Variants in MMP2 observed in about 807,000 individuals in gnomAD.
MMP2 encodes matrix metallopeptidase 2, also known as 72 kDa type IV collagenase.
Under a neutral mutation model 74.8 loss-of-function variants are expected in MMP2, and 39 were observed. That is an observed-to-expected ratio of 0.52 (90% CI 0.40 to 0.68). The LOEUF (loss-of-function observed/expected upper bound fraction) is 0.68. Among genes scored for constraint, MMP2 ranks in the 30% least tolerant of loss-of-function variants. The pLI, the probability that MMP2 is intolerant of heterozygous loss-of-function variation, is 0.00. For synonymous variants in MMP2, 367 were observed against 339.8 expected (o/e 1.08, Z -0.88); for missense variants, 803 against 878.3 (o/e 0.91, Z 1.08).
At chr16:55,502,617 T>C (rs542468285) in intron 11 of MMP2, among the ~76,000 whole-genome samples, 162 bp from the exon 12 acceptor site, 1 of 152,110 alleles carries the variant, frequency 6.6e-6, no homozygotes, top group South Asian at 2.1e-4. Flanking sequence ...TCAGGTCTGA[T>C]TCCATGCCCT....
In MMP2 at chr16:55,498,386, T is replaced by C. The variant is rs1962583010; in HGVS notation, c.1707T>C (p.Asp569=). Residue 569 remains aspartate, a synonymous_variant, in exon 11 of 13, where the codon GAT becomes GAC. Transcript: ENST00000219070. ...LGLPPDVQRV[D]AAFNWSKNKK... Reference sequence around the variant, plus strand: ...TGCCCCCTGATGTCCAGCGAGTGGATGCCGCCTTTAACTGGAGCAAAAACA... The same window carrying C: ...TGCCCCCTGATGTCCAGCGAGTGGACGCCGCCTTTAACTGGAGCAAAAACA... 8.1e-6 allele frequency: 13 copies of C among 1,614,238 alleles called. No homozygotes were observed. The highest frequency in any genetic ancestry group is 1.0e-5 in the Non-Finnish European group (12 of 1,180,040).
chr16:55,491,874 G>A lies in MMP2; in HGVS notation c.1254G>A (p.Gly418=), dbSNP rs201878223. 3.7e-5 allele frequency: 59 copies of A among 1,614,164 alleles called. No homozygotes were observed. The East Asian group carries it at 9.6e-4, about 26-fold the overall frequency. The part of the protein sequence containing the change: ...AMGLEHSQDP[G]ALMAPIYTYT... Reference sequence around the variant, plus strand: ...GGCTGGAGCACTCCCAAGACCCTGGGGCCCTGATGGCACCCATTTACACCT... The same window carrying A: ...GGCTGGAGCACTCCCAAGACCCTGGAGCCCTGATGGCACCCATTTACACCT... The change falls in exon 8 of 13, where the codon GGG becomes GGA. Residue 418 remains glycine, a synonymous_variant. Coordinates refer to ENST00000219070, the MANE Select transcript of MMP2 (RefSeq NM_004530.6).
chr16:55,499,168 CAAA>C (rs57058103), intron 11 of MMP2, among the ~76,000 whole-genome samples: 1 of 132,032 alleles, frequency 7.6e-6, no homozygotes, highest in Non-Finnish European at 1.6e-5. Context: ...GACTCCAACT[CAAA>C]AAAAAAAAAA....
rs1962037050 is a variant in MMP2, at chr16:55,479,393, C to T, written c.-87C>T. ...ACCCTCGGAGCGCAGCCCTGCGCCG[C>T]GGAGCAGGCTCCAACCAGGCGGCGA... On this transcript the variant is annotated 5_prime_UTR_variant, in exon 1 of 13. Coordinates refer to ENST00000219070, the MANE Select transcript of MMP2 (RefSeq NM_004530.6). The T allele has an allele frequency of 7.4e-7, 1 of 1,346,274 alleles. No individual in the cohort carries two copies. Among genetic ancestry groups the T allele is most frequent in the Non-Finnish European group, 9.5e-7 (1 of 1,050,638 alleles). 83.4% of individuals were successfully genotyped at this position (1,346,274 alleles called of 1,614,324 possible). A position where few individuals can be genotyped will look rare whatever the true frequency, so the allele number is the denominator to read the frequency against.
At position 55,482,984 on chromosome 16, in the gene MMP2, A is replaced by T. The variant is rs1220307582; in HGVS notation, c.229A>T (p.Met77Leu). The part of the protein sequence containing the change: ...LFVLKDTLKK[M>L]QKFFGLPQTG... Reference sequence around the variant, plus strand: ...TGTGCTGAAGGACACACTAAAGAAGATGCAGAAGTTCTTTGGACTGCCCCA... The same window carrying T: ...TGTGCTGAAGGACACACTAAAGAAGTTGCAGAAGTTCTTTGGACTGCCCCA... Residue 77 changes from methionine (M) to leucine (L), a missense_variant, in exon 2 of 13, where the codon ATG becomes TTG. Physicochemically the swap from Met to Leu is conservative, Grantham distance 15. Around this residue, in one of 3 missense-constraint regions of MMP2, gnomAD observed 223 missense variants for 232.8 expected, o/e 0.96. Coordinates refer to ENST00000219070, the MANE Select transcript of MMP2 (RefSeq NM_004530.6). 6 of 1,614,222 alleles carry T rather than the reference A, an allele frequency of 3.7e-6. No individual in the cohort carries two copies. Among genetic ancestry groups the T allele is most frequent in the Non-Finnish European group, 5.1e-6 (6 of 1,180,040 alleles).
chr16:55,488,186 T>C (rs921921893), intron 5 of MMP2: 4 of 316,072 alleles, frequency 1.3e-5, no homozygotes, highest in Non-Finnish European at 2.4e-5. Flanking sequence ...GATATATTCA[T>C]GTCATACATC....
chr16:55,479,765 G>A lies in MMP2; in HGVS notation c.153+133G>A. ...AGGGGCTTCGGTAAACAGCTTGGGG[G>A]GTCTTTGGCAAGCTATTGGAGTGAT... On this transcript the variant is annotated intron_variant, in intron 1 of 12. Transcript: ENST00000219070. 5 of 1,145,292 alleles carry A rather than the reference G, an allele frequency of 4.4e-6. No homozygotes were observed. In the South Asian group the frequency reaches 6.6e-5, roughly 15 times the overall value. The allele number at this position is 1,145,292 out of a possible 1,614,324, so 70.9% of individuals were successfully genotyped here. A position where few individuals can be genotyped will look rare whatever the true frequency, so the allele number is the denominator to read the frequency against.
rs779939533 is a variant in MMP2, at chr16:55,502,906, G to A, written c.1879+18G>A. On this transcript the variant is annotated intron_variant, in intron 12 of 12. Transcript: ENST00000219070. ...GGGCGGCGGTGAGCCACCCAGGACT[G>A]TCTCCGCTTTCTAGGACTCCCCGCC... 5.0e-6 allele frequency: 8 copies of A among 1,601,414 alleles called. No individual in the cohort carries two copies. In the African/African-American group the frequency reaches 1.1e-4, roughly 21 times the overall value.
intron 7 of MMP2, among the ~76,000 whole-genome samples, chr16:55,491,074 T>G (rs1431381894): frequency 2.9e-5 from 2 of 69,050 alleles, no homozygotes; most frequent in Non-Finnish European, 7.6e-5. Flanking sequence ...TCTCCTCCTT[T>G]TTTTTTTTTT....
intron 10 of MMP2, 72 bp downstream of exon 10, chr16:55,497,134 G>A: frequency 6.2e-7 from 1 of 1,603,394 alleles, no homozygotes; most frequent in Non-Finnish European, 8.5e-7. Context: ...GGTGTCCCAG[G>A]CTCACTCCCC....
chr16:55,493,095 G>T, intron 8 of MMP2, 63 bp from the exon 9 acceptor site: 2 of 1,603,676 alleles, frequency 1.2e-6, no homozygotes, highest in South Asian at 1.1e-5. Flanking sequence ...ACCCCTGGGG[G>T]CTCACCCTAG....
intron 12 of MMP2, among the ~76,000 whole-genome samples, chr16:55,503,241 G>GCAA (rs1434205195): frequency 6.6e-6 from 1 of 152,190 alleles, no homozygotes; most frequent in Non-Finnish European, 1.5e-5. Flanking sequence ...GGAGGCCTGT[G>GCAA]ACCACCTCCC....
intron 11 of MMP2, among the ~76,000 whole-genome samples, chr16:55,501,596 A>T (rs750937152): frequency 1.3e-5 from 2 of 152,116 alleles, no homozygotes; most frequent in African/African-American, 2.4e-5. Flanking sequence ...GTTTTGTAAG[A>T]ATGAGTTTTA....
intron 1 of MMP2, 83 bp from the exon 2 acceptor site, chr16:55,482,826 G>A (rs1334441952): frequency 8.5e-7 from 1 of 1,175,456 alleles, no homozygotes; most frequent in African/African-American, 1.5e-5. Flanking sequence ...CTGGGTTGGG[G>A]GGCTGATTGC....
chr16:55,488,534 C>A lies in MMP2; in HGVS notation c.833-9C>A, dbSNP rs367980862. ...CATTCACATCCTTCCCTCTCTCCCC[C>A]ACCCTTAGCCCTGTTCACCATGGGC... On this transcript the variant is annotated splice_polypyrimidine_tract_variant and intron_variant, in intron 5 of 12. Transcript: ENST00000219070. 1.7e-5 allele frequency: 27 copies of A among 1,613,386 alleles called. No individual in the cohort carries two copies. The highest frequency in any genetic ancestry group is 4.4e-5 in the South Asian group (4 of 90,802).
chr16:55,480,972 A>G (rs1161501146), intron 1 of MMP2, among the ~76,000 whole-genome samples: 5 of 152,076 alleles, frequency 3.3e-5, no homozygotes, highest in African/African-American at 1.2e-4. Flanking sequence ...TTGGTTTCCT[A>G]CACCTTTTCC....
intron 7 of MMP2, among the ~76,000 whole-genome samples, chr16:55,491,000 G>A (rs769751137): frequency 2.0e-5 from 3 of 151,974 alleles, no homozygotes; most frequent in Non-Finnish European, 4.4e-5. Flanking sequence ...CCCTCTGAAG[G>A]ATGCGTCACT....
At chr16:55,484,881 G>C (rs1475632686) in intron 3 of MMP2, among the ~76,000 whole-genome samples, 1 of 152,204 alleles carries the variant, frequency 6.6e-6, no homozygotes, top group Non-Finnish European at 1.5e-5. Context: ...GAGGATTCAT[G>C]TTGCAGATAT....
At chr16:55,482,018 A>T (rs1056839331) in intron 1 of MMP2, 2 of 542,048 alleles carry the variant, frequency 3.7e-6, no homozygotes, top group Non-Finnish European at 6.7e-6. Context: ...ACATTCTAAC[A>T]CAGTACTTAT....
Sources: gnomAD v4.1 joint callset for allele counts (sites outside exome capture counted in the v4.1 genomes callset) on GRCh38, gnomAD v4.1.1 for gene constraint, gnomAD v4.1.1 regional missense constraint, MANE v1.5 for transcripts, NCBI Gene and HGNC (gene_info 2026-07-23, HGNC 2026-07-21) for gene names.